Variants in SLC2A11 observed in about 807,000 individuals in gnomAD.
SLC2A11 encodes solute carrier family 2 member 11.
A neutral mutation model predicts 52.1 loss-of-function variants in SLC2A11; 43 were observed. That is an observed-to-expected ratio of 0.82 (90% CI 0.65 to 1.06). SLC2A11 has a LOEUF of 1.06. SLC2A11 is among the 50% of genes least tolerant of loss of function. The pLI is 0.00. For synonymous variants in SLC2A11, 261 were observed against 277.6 expected, an observed-to-expected ratio of 0.94 and a Z score of 0.59; for missense variants, 582 against 654.2, an observed-to-expected ratio of 0.89 and a Z score of 1.20.
chr22:23,861,911 G>A (rs937907872), intron 1 of SLC2A11, among the ~76,000 whole-genome samples, 193 bp from the exon 2 acceptor site: 1 of 152,242 alleles, frequency 6.6e-6, no homozygotes, highest in African/African-American at 2.4e-5. Context: ...CAGAACAGGA[G>A]GCTTGGGTTC....
intron 2 of SLC2A11, chr22:23,862,419 T>C: frequency 1.9e-6 from 1 of 532,570 alleles, no homozygotes; most frequent in East Asian, 3.0e-5. Context: ...AGCAGATGAC[T>C]CCATCTTCCA....
In SLC2A11 at chr22:23,884,403, G is replaced by A; in HGVS notation, c.1273G>A (p.Val425Ile). The stretch of plus-strand genomic sequence containing the variant: ...GCTCATGTGGATCATGCTCATCCTG[G>A]TCGGCCTGGGATTTCCCTTTATCAT... ...GALMWIMLIL[V>I]GLGFPFIMEA... is the part of the protein sequence containing the mutation. Residue 425 changes from valine (V) to isoleucine (I), a missense_variant, in exon 11 of 12, where the codon GTC (valine) becomes ATC (isoleucine). Physicochemically the swap from Val to Ile is conservative, Grantham distance 29. Transcript: ENST00000316185. The surrounding 1 kb of genome is among the most constrained non-coding windows in gnomAD (Gnocchi z 4.3). 1.2e-6 allele frequency: 2 copies of A among 1,613,920 alleles called. No individual in the cohort carries two copies. Among genetic ancestry groups the A allele is most frequent in the Non-Finnish European group, 1.7e-6 (2 of 1,179,950 alleles).
At chr22:23,879,287 G>A (rs997759199) in intron 6 of SLC2A11, among the ~76,000 whole-genome samples, 2 of 152,038 alleles carry the variant, frequency 1.3e-5, no homozygotes, top group Non-Finnish European at 2.9e-5. Flanking sequence ...TTGGGACAGG[G>A]TCTCACTCTG....
chr22:23,868,701 G>T, intron 3 of SLC2A11, 60 bp downstream of exon 3: 1 of 1,587,644 alleles, frequency 6.3e-7, no homozygotes, highest in Non-Finnish European at 8.6e-7. Context: ...CAGCCTGCAG[G>T]CTGAGGAATG....
At chr22:23,861,290 C>CA (rs56138210) in intron 1 of SLC2A11, among the ~76,000 whole-genome samples, 1,695 of 34,534 alleles carry the variant, frequency 0.049, 83 homozygotes, top group East Asian at 0.14. Context: ...GACTCAGTCT[C>CA]AAAAAAAAAA....
intron 4 of SLC2A11, 105 bp from the exon 5 acceptor site, chr22:23,876,937 T>C (rs1293419974): frequency 1.3e-6 from 2 of 1,570,136 alleles, no homozygotes; most frequent in African/African-American, 2.7e-5. Context: ...CAGGATCCAG[T>C]TGAGTGGCTG....
At chr22:23,877,967 G>A in intron 6 of SLC2A11, 98 bp downstream of exon 6, 2 of 1,372,762 alleles carry the variant, frequency 1.5e-6, no homozygotes, top group South Asian at 3.0e-5. Context: ...ATTTATCAAG[G>A]AAAAGCTATC....
chr22:23,877,249 T>C, intron 5 of SLC2A11, 78 bp downstream of exon 5: 1 of 1,566,410 alleles, frequency 6.4e-7, no homozygotes, highest in Non-Finnish European at 8.7e-7. Flanking sequence ...ATGTCTCCCC[T>C]ACCCACTAGT....
intron 1 of SLC2A11, chr22:23,858,255 G>A: frequency 2.8e-6 from 2 of 703,532 alleles, no homozygotes; most frequent in Non-Finnish European, 5.2e-6. Flanking sequence ...CTGGACCCTG[G>A]CATCCCAGCC....
chr22:23,867,541 T>C, intron 2 of SLC2A11: 1 of 346,620 alleles, frequency 2.9e-6, no homozygotes, highest in Non-Finnish European at 5.9e-6. Context: ...TTATTTGCAA[T>C]GAGCCCCATT....
chr22:23,868,790 C>A, intron 3 of SLC2A11, 149 bp downstream of exon 3: 1 of 886,380 alleles, frequency 1.1e-6, no homozygotes, highest in Non-Finnish European at 1.7e-6. Context: ...TGGAGTTTCA[C>A]CTTGCAAGAC....
chr22:23,859,362 C>T (rs2031971510), intron 1 of SLC2A11, among the ~76,000 whole-genome samples: 1 of 152,252 alleles, frequency 6.6e-6, no homozygotes, highest in African/African-American at 2.4e-5. Flanking sequence ...GGATTCTGCC[C>T]TCCAGAGCCA....
Position 23,857,887 on chromosome 22 carries a change from T to G in SLC2A11, c.-113T>G. 6.4e-7 allele frequency: 1 copy of G among 1,557,926 alleles called. No homozygotes were observed. Among genetic ancestry groups the G allele is most frequent in the South Asian group, 1.2e-5 (1 of 84,596 alleles). ...CGTGCGCTAGCGCCTCTTTCACCACTGGGCGCTGCGCGCTGCCCTTCCCTC... is the reference window on the plus strand; with the variant it reads ...CGTGCGCTAGCGCCTCTTTCACCACGGGGCGCTGCGCGCTGCCCTTCCCTC... On this transcript the variant is annotated 5_prime_UTR_variant, in exon 1 of 12. Transcript: ENST00000316185.
chr22:23,862,203 G>T lies in SLC2A11; in HGVS notation c.129+1G>T. The T allele has an allele frequency of 6.2e-7, 1 of 1,613,946 alleles. No individual in the cohort carries two copies. The highest frequency in any genetic ancestry group is 8.5e-7 in the Non-Finnish European group (1 of 1,179,822). ...CTCTATCATCAATGCCCCGACCTTG[G>T]TATGTATCCTCTCTGGGTGGAGACT... is the stretch of plus-strand genomic sequence containing the variant. On this transcript the variant is annotated splice_donor_variant, in intron 2 of 11. Coordinates refer to ENST00000316185, the MANE Select transcript of SLC2A11 (RefSeq NM_001024939.4). LOFTEE classifies it high-confidence loss of function.
chr22:23,876,182 AT>A (rs1419334401), intron 4 of SLC2A11, among the ~76,000 whole-genome samples: 1 of 152,188 alleles, frequency 6.6e-6, no homozygotes, highest in African/African-American at 2.4e-5. Context: ...TTATGTCCTA[AT>A]TCCAGAGGTC....
upstream of SLC2A11, chr22:23,857,073 T>TGGGG (rs60895711): frequency 3.2e-5 from 13 of 409,844 alleles, no homozygotes; most frequent in South Asian, 1.5e-4. Flanking sequence ...TGTGTGTGTG[T>TGGGG]GGGGGGGGGG....
chr22:23,861,997 A>G, intron 1 of SLC2A11, 107 bp from the exon 2 acceptor site: 2 of 921,208 alleles, frequency 2.2e-6, no homozygotes, highest in Non-Finnish European at 3.5e-6. Flanking sequence ...AAGTGGAGAC[A>G]TCACTGCCTG....
chr22:23,882,744 G>T lies in SLC2A11; in HGVS notation c.883-15G>T. 6.2e-7 allele frequency: 1 copy of T among 1,609,422 alleles called. No individual in the cohort carries two copies. The highest frequency in any genetic ancestry group is 1.1e-5 in the South Asian group (1 of 90,350). On this transcript the variant is annotated splice_polypyrimidine_tract_variant and intron_variant, in intron 7 of 11. Coordinates refer to ENST00000316185, the MANE Select transcript of SLC2A11 (RefSeq NM_001024939.4). ...GGTGGAAGGGAGCCCAGGCCTGAAA[G>T]CCACCCTCTCCCAGGTGTACGCCTA...
chr22:23,858,944 G>A (rs1456942949), intron 1 of SLC2A11, among the ~76,000 whole-genome samples: 1 of 152,172 alleles, frequency 6.6e-6, no homozygotes, highest in Non-Finnish European at 1.5e-5. Flanking sequence ...TAATAGGGAG[G>A]CAATAAATCT....
Sources: allele counts gnomAD v4.1 joint callset (sites outside exome capture counted in the v4.1 genomes callset), GRCh38; gene constraint gnomAD v4.1.1; non-coding constraint Gnocchi (gnomAD v3.1); transcripts MANE v1.5; gene names NCBI Gene and HGNC (gene_info 2026-07-23, HGNC 2026-07-21).